The following LMO1 variants were observed in gnomAD, a reference collection of about 807,000 sequenced individuals.
The protein encoded by LMO1 is LIM domain only 1.
Under a neutral mutation model 18.0 loss-of-function variants are expected in LMO1, and 10 were observed. The ratio of observed to expected loss-of-function variants is 0.55; its 90% CI spans 0.34 to 0.94. LMO1 has a LOEUF of 0.94. LMO1 is among the 40% of genes least tolerant of loss of function. The pLI is 0.02. For missense variants in LMO1, 183 were observed against 205.7 expected, an observed-to-expected ratio of 0.89 and a Z score of 0.68; for synonymous variants, 77 against 77.9, an observed-to-expected ratio of 0.99 and a Z score of 0.06.
intron 1 of LMO1, among the ~76,000 whole-genome samples, chr11:8,257,829 A>G (rs1847123327): frequency 6.6e-6 from 1 of 152,244 alleles, no homozygotes; most frequent in African/African-American, 2.4e-5. Context: ...GTGAGGGTGC[A>G]GGCCCAGTGC....
chr11:8,230,748 C>T (rs566899346), intron 1 of LMO1, among the ~76,000 whole-genome samples: 1 of 152,322 alleles, frequency 6.6e-6, no homozygotes, highest in South Asian at 2.1e-4. Flanking sequence ...CTGCTCTGCT[C>T]CAAGGCACAC....
At chr11:8,230,055 A>G (rs558749504) in intron 2 of LMO1, among the ~76,000 whole-genome samples, 1 of 152,336 alleles carries the variant, frequency 6.6e-6, no homozygotes, top group East Asian at 1.9e-4. Flanking sequence ...CCCAGGTTAC[A>G]AATGCCTGCC....
intron 1 of LMO1, among the ~76,000 whole-genome samples, chr11:8,237,808 G>C (rs1043332863): frequency 6.6e-6 from 1 of 152,240 alleles, no homozygotes; most frequent in Non-Finnish European, 1.5e-5. Context: ...TGTGAGAAGA[G>C]GTGGGGTAGT....
At chr11:8,236,027 A>C (rs1268559522) in intron 1 of LMO1, among the ~76,000 whole-genome samples, 7 of 152,180 alleles carry the variant, frequency 4.6e-5, no homozygotes, top group Non-Finnish European at 7.4e-5. Flanking sequence ...AGGCCAGTCT[A>C]GTGGTCAGTG....
At chr11:8,226,096 T>C (rs1952534790) in intron 3 of LMO1, among the ~76,000 whole-genome samples, 1 of 152,082 alleles carries the variant, frequency 6.6e-6, no homozygotes, top group Admixed American at 6.6e-5. Flanking sequence ...GCCCTCCAGA[T>C]TTGGGAACCC....
At chr11:8,268,580 G>T, upstream of LMO1, 2 of 573,262 alleles carry the variant, frequency 3.5e-6, no homozygotes, top group Non-Finnish European at 5.1e-6. Context: ...CGCGACCGCC[G>T]ACGGGGGCAG....
In LMO1 at chr11:8,263,386, C is replaced by A; in HGVS notation, c.-24G>T. 6.2e-7 allele frequency: 1 copy of A among 1,601,188 alleles called. No homozygotes were observed. The highest frequency in any genetic ancestry group is 1.7e-5 in the Admixed American group (1 of 59,490). ...ATCTCGGGCGCTCCGTGTCCAGCCG[C>A]AGCTAGGCTCGGCCGGGAGAAGGGC... On this transcript the variant is annotated 5_prime_UTR_variant, in exon 1 of 4. Coordinates refer to ENST00000335790, the MANE Select transcript of LMO1 (RefSeq NM_002315.3).
chr11:8,255,818 CTTTTTTTTTTTTTTTT>C (rs57425549), intron 1 of LMO1, among the ~76,000 whole-genome samples: 1 of 86,344 alleles, frequency 1.2e-5, no homozygotes, highest in Non-Finnish European at 2.0e-5. Flanking sequence ...CAATGCCGCA[CTTTTTTTTTTTTTTTT>C]TTTTTTTTTG....
chr11:8,268,252 C>T (rs372031134), upstream of LMO1, among the ~76,000 whole-genome samples: 41 of 152,320 alleles, frequency 2.7e-4, no homozygotes, highest in East Asian at 6.0e-3. Flanking sequence ...ACCCCGGCAC[C>T]GGCGCACACA....
At position 8,246,480 on chromosome 11, in the gene LMO1, AG is replaced by A. The variant is rs144150153; in HGVS notation, c.26-15977del. ...ATGATTCCATTTATATGAAATGTCC[AG>A]AATAGGCAAAGCTATACAGACAGAA... On this transcript the variant is annotated intron_variant, in intron 1 of 3. Transcript: ENST00000335790. 5.2e-3 allele frequency among the ~76,000 whole-genome samples: 787 copies of A among 152,376 alleles called. 5 individuals are homozygous for A. Among genetic ancestry groups the A allele is most frequent in the African/African-American group, 0.018 (762 of 41,582 alleles).
At chr11:8,265,275 T>C (rs1847249265), upstream of LMO1, among the ~76,000 whole-genome samples, 1 of 152,186 alleles carries the variant, frequency 6.6e-6, no homozygotes, top group Non-Finnish European at 1.5e-5. Flanking sequence ...CTAATGCATG[T>C]TAATGTGCTT....
At chr11:8,237,446 A>G (rs1185597505) in intron 1 of LMO1, among the ~76,000 whole-genome samples, 1 of 151,922 alleles carries the variant, frequency 6.6e-6, no homozygotes, top group Non-Finnish European at 1.5e-5. Flanking sequence ...TATCTCCACA[A>G]TTTCTCGTCT....
intron 1 of LMO1, among the ~76,000 whole-genome samples, chr11:8,253,094 G>A (rs1447285073): frequency 6.6e-6 from 1 of 152,226 alleles, no homozygotes; most frequent in African/African-American, 2.4e-5. Flanking sequence ...TTCGAGGAGA[G>A]GAGCCCAGAG....
intron 1 of LMO1, among the ~76,000 whole-genome samples, chr11:8,233,693 T>A (rs1952712457): frequency 6.8e-6 from 1 of 147,670 alleles, no homozygotes; most frequent in East Asian, 2.1e-4. Flanking sequence ...GCCTTCCCCA[T>A]TCCCACCTAG....
intron 1 of LMO1, among the ~76,000 whole-genome samples, chr11:8,234,016 C>T (rs925135852): frequency 3.9e-5 from 6 of 152,144 alleles, no homozygotes; most frequent in African/African-American, 9.7e-5. Flanking sequence ...ATGTTTGCGC[C>T]GACACGCACG....
Position 8,263,377 on chromosome 11 carries a change from G to A in LMO1, c.-15C>T. ...AGCACCATCATCTCGGGCGCTCCGT[G>A]TCCAGCCGCAGCTAGGCTCGGCCGG... On this transcript the variant is annotated 5_prime_UTR_variant, in exon 1 of 4. Transcript: ENST00000335790. 6.2e-7 allele frequency: 1 copy of A among 1,604,366 alleles called. No homozygotes were observed.
At chr11:8,243,526 A>G (rs1358325793) in intron 1 of LMO1, among the ~76,000 whole-genome samples, 2 of 152,130 alleles carry the variant, frequency 1.3e-5, no homozygotes, top group Non-Finnish European at 2.9e-5. Context: ...GTGCAAAGGG[A>G]AAGTGTCATC....
Position 8,259,930 on chromosome 11 carries a change from C to T in LMO1, c.25+3408G>A, listed in dbSNP as rs530652795. Reference sequence around the variant, plus strand: ...GGGCATTTTTACTTATTAAAAATGCCCTAGGAATCATGTCTGGTGTTTAGT... The same window carrying T: ...GGGCATTTTTACTTATTAAAAATGCTCTAGGAATCATGTCTGGTGTTTAGT... On this transcript the variant is annotated intron_variant, in intron 1 of 3. Coordinates refer to ENST00000335790, the MANE Select transcript of LMO1 (RefSeq NM_002315.3). Among the ~76,000 whole-genome samples the T allele has an allele frequency of 2.0e-5, 3 of 152,216 alleles. No individual in the cohort carries two copies. The East Asian group carries it at 5.8e-4, about 29-fold the overall frequency.
intron 1 of LMO1, among the ~76,000 whole-genome samples, chr11:8,239,134 T>C (rs1952810829): frequency 6.6e-6 from 1 of 152,200 alleles, no homozygotes; most frequent in African/African-American, 2.4e-5. Context: ...ATTGGAATCC[T>C]GGCCTGTCAG....
Sources: gnomAD v4.1 joint callset for allele counts (sites outside exome capture counted in the v4.1 genomes callset) on GRCh38, gnomAD v4.1.1 for gene constraint, MANE v1.5 for transcripts, NCBI Gene and HGNC (gene_info 2026-07-23, HGNC 2026-07-21) for gene names.